The following SGCD variants were observed in gnomAD, a reference collection of about 807,000 sequenced individuals.
SGCD encodes sarcoglycan delta.
Under a neutral mutation model 36.6 loss-of-function variants are expected in SGCD, and 18 were observed. The observed-to-expected ratio is 0.49, with a 90% CI of 0.34 to 0.73. The LOEUF is 0.73. Ranked by LOEUF, SGCD falls within the 30% of genes least tolerant of loss-of-function variation. The pLI is 0.01. For missense variants in SGCD, 387 were observed against 346.7 expected, an observed-to-expected ratio of 1.12 and a Z score of -0.92; for synonymous variants, 133 against 130.6, an observed-to-expected ratio of 1.02 and a Z score of -0.12.
chr5:156,263,391 A>G (rs1440027382), intron 3 of SGCD, among the ~76,000 whole-genome samples: 1 of 151,904 alleles, frequency 6.6e-6, no homozygotes, highest in African/African-American at 2.4e-5. Flanking sequence ...TGGCCATTGT[A>G]TATCTTCTTT....
chr5:156,349,302 A>C (rs777186565), intron 3 of SGCD, among the ~76,000 whole-genome samples: 1 of 152,094 alleles, frequency 6.6e-6, no homozygotes. Flanking sequence ...AGAAATAGTA[A>C]TCAGAATTAA....
chr5:155,958,902 G>A (rs1304008762), intron 1 of SGCD, among the ~76,000 whole-genome samples: 1 of 152,028 alleles, frequency 6.6e-6, no homozygotes, highest in Admixed American at 6.6e-5. Context: ...AGGCAGTAGG[G>A]GTGATTTTTC....
At position 155,975,609 on chromosome 5, in the gene SGCD, C is replaced by CCTTTTTT. The variant is rs1758096365; in HGVS notation, c.-282+105185_-282+105186insCTTTTTT. Reference sequence around the variant, plus strand: ...TGTGTTATTTATTTTTCTTTCTTTCCTTTTTTTTTTTTTTTTTTTTTTTTT... The same window carrying CCTTTTTT: ...TGTGTTATTTATTTTTCTTTCTTTCCCTTTTTTTTTTTTTTTTTTTTTTTTTTTTTTT... On this transcript the variant is annotated intron_variant, in intron 1 of 9. Coordinates refer to the SGCD transcript ENST00000517913. Among the ~76,000 whole-genome samples, 3 of 28,008 alleles carry CCTTTTTT rather than the reference C, an allele frequency of 1.1e-4. 1 individual carries two copies. The highest frequency in any genetic ancestry group is 1.4e-4 in the Non-Finnish European group (2 of 14,596). 18.4% of individuals were successfully genotyped at this position (28,008 alleles called of 152,430 possible). A position where few individuals can be genotyped will look rare whatever the true frequency, so the allele number is the denominator to read the frequency against.
At chr5:156,533,290 C>A (rs972712529) in intron 4 of SGCD, among the ~76,000 whole-genome samples, 5 of 152,156 alleles carry the variant, frequency 3.3e-5, no homozygotes, top group Non-Finnish European at 7.4e-5. Context: ...ATTGTACCAT[C>A]TCCTACTATC....
chr5:155,827,049 C>A, the SGCD span, among the ~76,000 whole-genome samples: 1 of 152,178 alleles, frequency 6.6e-6, no homozygotes, highest in African/African-American at 2.4e-5. Context: ...TGTTTGATAA[C>A]ACTCTTCTGA....
chr5:156,316,517 A>G (rs1767521769), intron 3 of SGCD, among the ~76,000 whole-genome samples: 2 of 152,186 alleles, frequency 1.3e-5, no homozygotes, highest in East Asian at 3.9e-4. Flanking sequence ...CAAGCAGAAC[A>G]AAGTTGGAGG....
chr5:156,578,439 A>G (rs1399127151), intron 4 of SGCD, among the ~76,000 whole-genome samples: 1 of 152,206 alleles, frequency 6.6e-6, no homozygotes, highest in Non-Finnish European at 1.5e-5. Flanking sequence ...CAAATGAGTT[A>G]GGGAGGATTC....
At chr5:156,145,441 G>A (rs1201213978) in intron 3 of SGCD, among the ~76,000 whole-genome samples, 2 of 152,124 alleles carry the variant, frequency 1.3e-5, no homozygotes, top group South Asian at 4.1e-4. Flanking sequence ...AGCAGTGTGA[G>A]AACAAACTAA....
intron 7 of SGCD, among the ~76,000 whole-genome samples, chr5:156,703,130 A>G (rs1335225256): frequency 6.6e-6 from 1 of 152,188 alleles, no homozygotes. Context: ...CGCCAGTAAT[A>G]AAGTCCCTTG....
chr5:155,733,755 G>C, the SGCD span, among the ~76,000 whole-genome samples: 1 of 152,054 alleles, frequency 6.6e-6, no homozygotes, highest in African/African-American at 2.4e-5. Flanking sequence ...AGACAACTAG[G>C]GGTCAAGGCC....
chr5:156,182,787 G>A (rs1231588921), intron 3 of SGCD, among the ~76,000 whole-genome samples: 1 of 152,122 alleles, frequency 6.6e-6, no homozygotes, highest in Non-Finnish European at 1.5e-5. Flanking sequence ...TTTTGATTCT[G>A]AGTTTGGCCA....
intron 6 of SGCD, among the ~76,000 whole-genome samples, chr5:156,643,437 C>G (rs1763115413): frequency 6.6e-6 from 1 of 152,050 alleles, no homozygotes; most frequent in African/African-American, 2.4e-5. Flanking sequence ...CTGCTTGATA[C>G]AGATTTATTA....
chr5:155,902,317 C>T (rs1171946822), intron 1 of SGCD, among the ~76,000 whole-genome samples: 2 of 152,200 alleles, frequency 1.3e-5, no homozygotes, highest in African/African-American at 4.8e-5. Context: ...TTATTGGTCA[C>T]TTACTGTGCA....
intron 3 of SGCD, among the ~76,000 whole-genome samples, chr5:156,399,410 A>G (rs1202268142): frequency 6.6e-6 from 1 of 152,220 alleles, no homozygotes; most frequent in South Asian, 2.1e-4. Context: ...CCACCAAACC[A>G]GAAGCCTGCC....
intron 3 of SGCD, among the ~76,000 whole-genome samples, chr5:156,178,856 G>A (rs1002584055): frequency 1.1e-4 from 16 of 152,110 alleles, no homozygotes; most frequent in African/African-American, 3.9e-4. Context: ...GTGAGCCACC[G>A]CGCCCAGCCT....
chr5:155,974,887 C>T (rs541393000), intron 1 of SGCD, among the ~76,000 whole-genome samples: 1 of 152,094 alleles, frequency 6.6e-6, no homozygotes, highest in African/African-American at 2.4e-5. Context: ...CTCTCTAACC[C>T]CCCATCCTCT....
At chr5:155,830,372 C>T in the SGCD span, among the ~76,000 whole-genome samples, 1 of 152,226 alleles carries the variant, frequency 6.6e-6, no homozygotes, top group East Asian at 1.9e-4. Context: ...GACTCCAGTT[C>T]TGTTGGATTA....
At chr5:155,856,172 A>G in the SGCD span, among the ~76,000 whole-genome samples, 1 of 152,198 alleles carries the variant, frequency 6.6e-6, no homozygotes. Flanking sequence ...ATACATACAT[A>G]TACATATATA....
chr5:156,137,275 A>C (rs1762482268), intron 3 of SGCD, among the ~76,000 whole-genome samples: 1 of 152,348 alleles, frequency 6.6e-6, no homozygotes, highest in Non-Finnish European at 1.5e-5. Flanking sequence ...AAAGCCAGCC[A>C]GTGCTGCAGC....
Sources: allele counts gnomAD v4.1 joint callset (sites outside exome capture counted in the v4.1 genomes callset), GRCh38; gene constraint gnomAD v4.1.1; transcripts MANE v1.5; gene names NCBI Gene and HGNC (gene_info 2026-07-23, HGNC 2026-07-21).